Variants in SLC14A2 observed in about 807,000 individuals in gnomAD.
SLC14A2 encodes urea transporter 2.
A neutral mutation model predicts 104.6 loss-of-function variants in SLC14A2; 91 were observed. The observed-to-expected ratio is 0.87, with a 90% CI of 0.73 to 1.04. The LOEUF is 1.04. Ranked by LOEUF, SLC14A2 falls within the 50% of genes least tolerant of loss-of-function variation. The pLI is 0.00. For missense variants in SLC14A2, 1,189 were observed against 1,156.0 expected (o/e 1.03, Z -0.41); for synonymous variants, 476 against 466.4 (o/e 1.02, Z -0.27).
At chr18:45,601,601 C>T (rs1280706038) in intron 2 of SLC14A2, among the ~76,000 whole-genome samples, 1 of 152,242 alleles carries the variant, frequency 6.6e-6, no homozygotes, top group Non-Finnish European at 1.5e-5. Context: ...TCCCCTCTAT[C>T]TTTTCAGTCC....
chr18:45,639,554 C>T (rs954748492), intron 6 of SLC14A2, among the ~76,000 whole-genome samples, 192 bp from the exon 7 acceptor site: 1 of 152,126 alleles, frequency 6.6e-6, no homozygotes, highest in African/African-American at 2.4e-5. Flanking sequence ...TGCTCACATG[C>T]CTGCTGGGTG....
intron 2 of SLC14A2, among the ~76,000 whole-genome samples, chr18:45,596,143 G>A (rs1426308168): frequency 6.6e-6 from 1 of 152,162 alleles, no homozygotes; most frequent in Non-Finnish European, 1.5e-5. Context: ...TACCCCAGTT[G>A]CCCTCTCCTA....
the SLC14A2 span, among the ~76,000 whole-genome samples, chr18:45,197,658 G>A: frequency 2.0e-4 from 30 of 152,312 alleles, no homozygotes; most frequent in African/African-American, 6.3e-4. Context: ...AAATGCTGAC[G>A]CACTCCTAAG....
At chr18:45,191,952 G>A in the SLC14A2 span, among the ~76,000 whole-genome samples, 1 of 152,204 alleles carries the variant, frequency 6.6e-6, no homozygotes, top group African/African-American at 2.4e-5. Context: ...TGAACTGTTA[G>A]GAGGAAGAAG....
At chr18:45,431,565 G>A (rs180885124) in intron 1 of SLC14A2, among the ~76,000 whole-genome samples, 20 of 152,296 alleles carry the variant, frequency 1.3e-4, no homozygotes, top group Admixed American at 1.2e-3. Flanking sequence ...ACCTAGCAAA[G>A]AATAGCACTT....
intron 1 of SLC14A2, among the ~76,000 whole-genome samples, chr18:45,422,171 G>A (rs1333043866): frequency 6.6e-6 from 1 of 152,166 alleles, no homozygotes; most frequent in Non-Finnish European, 1.5e-5. Context: ...GACTAATGAG[G>A]TGTTGGAAGA....
intron 1 of SLC14A2, among the ~76,000 whole-genome samples, chr18:45,216,603 C>T (rs1568105146): frequency 1.3e-5 from 2 of 152,164 alleles, no homozygotes; most frequent in Non-Finnish European, 2.9e-5. Context: ...TCCCCCACCC[C>T]ACTTTCTGCG....
At chr18:45,348,205 G>A (rs1357826271) in intron 1 of SLC14A2, among the ~76,000 whole-genome samples, 3 of 152,214 alleles carry the variant, frequency 2.0e-5, no homozygotes, top group South Asian at 4.1e-4. Context: ...CGGGTAGTAC[G>A]ACTTCAGTGA....
intron 1 of SLC14A2, among the ~76,000 whole-genome samples, chr18:45,401,349 T>C (rs186260282): frequency 1.3e-5 from 2 of 152,340 alleles, no homozygotes; most frequent in Admixed American, 6.5e-5. Context: ...GTAGGGACTA[T>C]TTTAGGTGAC....
intron 1 of SLC14A2, among the ~76,000 whole-genome samples, chr18:45,335,749 C>G (rs1599684140): frequency 6.6e-6 from 1 of 152,144 alleles, no homozygotes; most frequent in Admixed American, 6.6e-5. Context: ...TGATTCATTC[C>G]CCACAGGTTC....
At chr18:45,657,488 GA>G (rs76314316) in intron 10 of SLC14A2, among the ~76,000 whole-genome samples, 2,331 of 82,690 alleles carry the variant, frequency 0.028, 50 homozygotes, top group African/African-American at 0.085. Context: ...CTGTGTCAAG[GA>G]AAAAAAAAAA....
At chr18:45,198,653 T>C in the SLC14A2 span, among the ~76,000 whole-genome samples, 1 of 152,136 alleles carries the variant, frequency 6.6e-6, no homozygotes, top group African/African-American at 2.4e-5. Context: ...CTTTTCTCTC[T>C]TACACAGCTT....
chr18:45,192,634 G>T, the SLC14A2 span, among the ~76,000 whole-genome samples: 9,040 of 112,258 alleles, frequency 0.081, 302 homozygotes, highest in Non-Finnish European at 0.092. Context: ...GTGTGTGTGT[G>T]TGGTTTTTTT....
rs371431481 is a variant in SLC14A2, at chr18:45,464,955, T to A, written c.-124-18278T>A. On this transcript the variant is annotated intron_variant, in intron 1 of 20. Transcript: ENST00000586448. ...TCTCACCGTGACAGCATCATGGCAG[T>A]GAGAAGGAAAGCCAAAATGCAGGCA... 3.3e-5 allele frequency among the ~76,000 whole-genome samples: 5 copies of A among 151,026 alleles called. No homozygotes were observed. The East Asian group carries it at 9.8e-4, about 30-fold the overall frequency.
the SLC14A2 span, among the ~76,000 whole-genome samples, chr18:45,206,521 A>AAATAACTT: frequency 6.6e-6 from 1 of 152,220 alleles, no homozygotes; most frequent in Non-Finnish European, 1.5e-5. Flanking sequence ...AATAACTTGC[A>AAATAACTT]AATAACTTTA....
intron 1 of SLC14A2, among the ~76,000 whole-genome samples, chr18:45,274,725 G>A (rs1240490783): frequency 1.3e-5 from 2 of 152,254 alleles, no homozygotes; most frequent in African/African-American, 4.8e-5. Context: ...TGTGGTAGTA[G>A]TTTGGGCCTT....
intron 1 of SLC14A2, among the ~76,000 whole-genome samples, chr18:45,414,757 A>ATATATATATATATATAT (rs1555684043): frequency 1.1e-4 from 8 of 76,102 alleles, no homozygotes; most frequent in Non-Finnish European, 1.7e-4. Flanking sequence ...AAAAAAAAAA[A>ATATATATATATATATAT]ATATATATAT....
chr18:45,572,295 C>T (rs1304567930), intron 2 of SLC14A2, among the ~76,000 whole-genome samples: 1 of 152,204 alleles, frequency 6.6e-6, no homozygotes, highest in African/African-American at 2.4e-5. Flanking sequence ...AAGATGCCCC[C>T]AACAAATCAC....
At chr18:45,449,431 C>A (rs1416841268) in intron 1 of SLC14A2, among the ~76,000 whole-genome samples, 1 of 152,146 alleles carries the variant, frequency 6.6e-6, no homozygotes, top group Non-Finnish European at 1.5e-5. Context: ...TCATTTGGAT[C>A]CTTGGCATCC....
Sources: allele counts gnomAD v4.1 joint callset (sites outside exome capture counted in the v4.1 genomes callset), GRCh38; gene constraint gnomAD v4.1.1; transcripts MANE v1.5; gene names NCBI Gene and HGNC (gene_info 2026-07-23, HGNC 2026-07-21).